Variants in ITGA11 observed in about 807,000 individuals in gnomAD.
The protein encoded by ITGA11 is integrin subunit alpha 11.
ITGA11 carries 97 observed loss-of-function variants against 141.9 expected under a neutral mutation model. That is an observed-to-expected ratio of 0.68 (90% CI 0.58 to 0.81). The LOEUF is 0.81. Among genes scored for constraint, ITGA11 ranks in the 30% least tolerant of loss-of-function variants. The pLI is 0.00. For synonymous variants in ITGA11, 658 were observed against 624.6 expected, an observed-to-expected ratio of 1.05 and a Z score of -0.80; for missense variants, 1,387 against 1,559.2, an observed-to-expected ratio of 0.89 and a Z score of 1.86.
At chr15:68,358,694 T>A in intron 5 of ITGA11, 109 bp from the exon 6 acceptor site, 2 of 1,211,280 alleles carry the variant, frequency 1.7e-6, no homozygotes, top group East Asian at 2.6e-5. Context: ...TCCATATGTG[T>A]AATTCCCTGG....
rs144871959 is a variant in ITGA11, at chr15:68,356,256, C to T, written c.749+895G>A. Among the ~76,000 whole-genome samples the T allele has an allele frequency of 5.6e-3, 845 of 151,314 alleles. 7 individuals are homozygous for T. The highest frequency in any genetic ancestry group is 0.02 in the African/African-American group (807 of 40,900). ...GACTACAAGCGCATGCCGCCATGCC[C>T]GGCTAATTTGTTTTTTTTTTGTATT... On this transcript the variant is annotated intron_variant, in intron 7 of 29. Transcript: ENST00000315757.
chr15:68,302,830 C>T lies in ITGA11; in HGVS notation c.*229G>A. ...TGTGTAGGGGTGTCCCTTTAAATCCCTAGGGGTCTGTGTTAAAGGTGTCCC... is the reference window on the plus strand; with the variant it reads ...TGTGTAGGGGTGTCCCTTTAAATCCTTAGGGGTCTGTGTTAAAGGTGTCCC... On this transcript the variant is annotated 3_prime_UTR_variant, in exon 30 of 30. Transcript: ENST00000315757. The T allele has an allele frequency of 3.7e-6, 2 of 533,412 alleles. No individual in the cohort carries two copies. Among genetic ancestry groups the T allele is most frequent in the Non-Finnish European group, 6.6e-6 (2 of 302,410 alleles). 33.0% of individuals were successfully genotyped at this position (533,412 alleles called of 1,614,324 possible).
At chr15:68,339,778 A>G (rs577272935) in intron 10 of ITGA11, 134 bp from the exon 11 acceptor site, 1 of 942,420 alleles carries the variant, frequency 1.1e-6, no homozygotes, top group East Asian at 2.6e-5. Context: ...TTATTTAGCA[A>G]CCTAACTTCT....
At position 68,376,681 on chromosome 15, in the gene ITGA11, G is replaced by C. The variant is rs111710892; in HGVS notation, c.165-7397C>G. ...GGGTTGACCCAACTGGATGAATAGA[G>C]CAAGCTCTGGCAGGGGAAGGCAAGG... On this transcript the variant is annotated intron_variant, in intron 2 of 29. Coordinates refer to ENST00000315757, the MANE Select transcript of ITGA11 (RefSeq NM_001004439.2). Among the ~76,000 whole-genome samples the C allele has an allele frequency of 8.4e-3, 1,278 of 152,352 alleles. 25 individuals carry two copies. The highest frequency in any genetic ancestry group is 0.027 in the African/African-American group (1,141 of 41,574).
At chr15:68,428,543 G>A (rs1446262117) in intron 1 of ITGA11, among the ~76,000 whole-genome samples, 1 of 152,144 alleles carries the variant, frequency 6.6e-6, no homozygotes, top group Non-Finnish European at 1.5e-5. Flanking sequence ...TTGTGATATG[G>A]AAAGATCCAG....
At chr15:68,323,816 G>C (rs922224007) in intron 18 of ITGA11, among the ~76,000 whole-genome samples, 1 of 152,100 alleles carries the variant, frequency 6.6e-6, no homozygotes, top group Non-Finnish European at 1.5e-5. Flanking sequence ...CCCTCCTCCA[G>C]GAAGGCCCTC....
chr15:68,384,685 G>A (rs748587015), intron 2 of ITGA11, among the ~76,000 whole-genome samples: 1 of 152,176 alleles, frequency 6.6e-6, no homozygotes, highest in African/African-American at 2.4e-5. Context: ...CCTATCCTGG[G>A]CTTCGCTTCT....
At chr15:68,412,891 G>C (rs1896808160) in intron 1 of ITGA11, among the ~76,000 whole-genome samples, 1 of 151,994 alleles carries the variant, frequency 6.6e-6, no homozygotes, top group Non-Finnish European at 1.5e-5. Context: ...GGCCAGGCTA[G>C]TCTTGAACTC....
At chr15:68,386,046 G>A (rs1039852718) in intron 2 of ITGA11, among the ~76,000 whole-genome samples, 2 of 152,260 alleles carry the variant, frequency 1.3e-5, no homozygotes, top group African/African-American at 4.8e-5. Flanking sequence ...TGAAGATCAT[G>A]GGAATGGTGG....
At chr15:68,370,105 C>A (rs1013516914) in intron 2 of ITGA11, among the ~76,000 whole-genome samples, 3 of 152,158 alleles carry the variant, frequency 2.0e-5, no homozygotes, top group Non-Finnish European at 2.9e-5. Flanking sequence ...CCAGAGCCTG[C>A]GGAGGGAGTG....
chr15:68,365,097 C>T, intron 3 of ITGA11: 1 of 967,888 alleles, frequency 1.0e-6, no homozygotes, highest in South Asian at 4.8e-5. Context: ...AGCCATCCGA[C>T]TGGAGCCCCA....
In ITGA11 at chr15:68,417,777, C is replaced by T. The variant is rs147034694; in HGVS notation, c.52+14238G>A. 1.7e-3 allele frequency among the ~76,000 whole-genome samples: 265 copies of T among 152,334 alleles called. 2 individuals carry two copies. The highest frequency in any genetic ancestry group is 0.016 in the South Asian group (77 of 4,826). ...GTCCCCTTTGTCTGGAACATTCTTC[C>T]CCAAGAACTTTTCTCAGCTGGCTCC... On this transcript the variant is annotated intron_variant, in intron 1 of 29. Transcript: ENST00000315757.
At chr15:68,318,008 G>A (rs1893654450) in intron 20 of ITGA11, among the ~76,000 whole-genome samples, 1 of 152,160 alleles carries the variant, frequency 6.6e-6, no homozygotes, top group Non-Finnish European at 1.5e-5. Context: ...TTGCATGTGT[G>A]TGCAAAAAGT....
chr15:68,344,779 C>A (rs1306625879), intron 10 of ITGA11, among the ~76,000 whole-genome samples: 1 of 152,096 alleles, frequency 6.6e-6, no homozygotes, highest in Admixed American at 6.5e-5. Context: ...AGTGACCTCA[C>A]CTTTAGGTAC....
At chr15:68,378,019 C>T (rs1311052771) in intron 2 of ITGA11, among the ~76,000 whole-genome samples, 1 of 152,226 alleles carries the variant, frequency 6.6e-6, no homozygotes, top group Non-Finnish European at 1.5e-5. Flanking sequence ...AAGCATACTT[C>T]TGATGGTAGT....
In ITGA11 at chr15:68,317,330, C is replaced by A. The variant is rs200212389; in HGVS notation, c.2650G>T (p.Glu884Ter). 2 of 1,613,750 alleles carry A rather than the reference C, an allele frequency of 1.2e-6. No homozygotes were observed. The highest frequency in any genetic ancestry group is 2.7e-5 in the African/African-American group (2 of 74,910). ...DSDGSIECVN[E>*]ERRLQKQVCN... Reference sequence around the variant, plus strand: ...ACTTGCTTCTGGAGCCTCCTCTCCTCGTTCACACACTCAATGCTACCGTCT... The same window carrying A: ...ACTTGCTTCTGGAGCCTCCTCTCCTAGTTCACACACTCAATGCTACCGTCT... Residue 884 changes from glutamate (E) to a stop codon, truncating the protein, a stop_gained, in exon 21 of 30, where the codon GAG (glutamate) becomes TAG (stop). Transcript: ENST00000315757. LOFTEE classifies it high-confidence loss of function.
rs1895097014 is a variant in ITGA11, at chr15:68,357,187, GT to G, written c.712del (p.Thr238GlnfsTer28). ...AASHIEQRGG[T>X]ETRTAFGIEF... ...AATGCCAAATGCCGTCCGGGTCTCT[GT>G]TCCTCCTCTCTGCTCAATGTGGCTG... On this transcript the variant is annotated frameshift_variant, in exon 7 of 30. Coordinates refer to ENST00000315757, the MANE Select transcript of ITGA11 (RefSeq NM_001004439.2). LOFTEE classifies it high-confidence loss of function. 1.2e-6 allele frequency: 2 copies of G among 1,613,628 alleles called. No individual in the cohort carries two copies. The highest frequency in any genetic ancestry group is 1.7e-6 in the Non-Finnish European group (2 of 1,179,852).
chr15:68,330,901 C>T, intron 15 of ITGA11, 80 bp downstream of exon 15: 2 of 1,546,436 alleles, frequency 1.3e-6, no homozygotes, highest in Non-Finnish European at 1.8e-6. Context: ...GACAAAGATC[C>T]TGAAGCCTAT....
rs1428048838 is a variant in ITGA11 at position 68,333,233 on chromosome 15, G to C, written c.1426-755C>G. Among the ~76,000 whole-genome samples, 1 of 151,772 alleles carries C rather than the reference G, an allele frequency of 6.6e-6. No individual in the cohort carries two copies. The highest frequency in any genetic ancestry group is 1.5e-5 in the Non-Finnish European group (1 of 67,980). ...TCCCATCTCAGCCTCCTGAGTAGCT[G>C]GGACCACAGGCACTTACCACCGCTC... is the stretch of plus-strand genomic sequence containing the variant. On this transcript the variant is annotated intron_variant, in intron 12 of 29. Coordinates refer to ENST00000315757, the MANE Select transcript of ITGA11 (RefSeq NM_001004439.2). This position sits in a 1 kb window ranked among gnomAD's most constrained non-coding sequence, Gnocchi z 4.2.
Sources: gnomAD v4.1 joint callset for allele counts (sites outside exome capture counted in the v4.1 genomes callset) on GRCh38, gnomAD v4.1.1 for gene constraint, Gnocchi (gnomAD v3.1) non-coding constraint, MANE v1.5 for transcripts, NCBI Gene and HGNC (gene_info 2026-07-23, HGNC 2026-07-21) for gene names.